Variants in STIM1 observed in about 807,000 individuals in gnomAD.
The protein encoded by STIM1 is stromal interaction molecule 1.
In STIM1, 25 loss-of-function variants were observed where a neutral mutation model predicts 74.7. The ratio of observed to expected loss-of-function variants is 0.33; its 90% CI spans 0.24 to 0.47. The LOEUF (loss-of-function observed/expected upper bound fraction) is 0.47, where lower values mean the gene tolerates loss of function less well. Among genes scored for constraint, STIM1 ranks in the 20% least tolerant of loss-of-function variants. The pLI is 1.00. For synonymous variants in STIM1, 328 were observed against 348.8 expected (o/e 0.94, Z 0.66); for missense variants, 728 against 920.8 (o/e 0.79, Z 2.71).
intron 4 of STIM1, 67 bp from the exon 5 acceptor site, chr11:4,059,214 T>G: frequency 7.3e-7 from 1 of 1,361,808 alleles, no homozygotes. Flanking sequence ...GGGAGGCGGG[T>G]AATCCTACCA....
chr11:4,063,334 C>T (rs2133125777), intron 5 of STIM1, among the ~76,000 whole-genome samples: 1 of 152,240 alleles, frequency 6.6e-6, no homozygotes, highest in Admixed American at 6.5e-5. Context: ...TGTGCTTTGC[C>T]TTACTGCACT....
chr11:4,068,603 G>T (rs2094383816), intron 5 of STIM1, among the ~76,000 whole-genome samples: 1 of 152,130 alleles, frequency 6.6e-6, no homozygotes, highest in African/African-American at 2.4e-5. Context: ...CTTGTAGCCT[G>T]CCTGGAGGCT....
chr11:4,006,282 G>T (rs999533966), intron 2 of STIM1, among the ~76,000 whole-genome samples: 5 of 152,054 alleles, frequency 3.3e-5, no homozygotes, highest in Non-Finnish European at 5.9e-5. Context: ...TTCACCTTCT[G>T]CCTTGATTGT....
At chr11:4,046,033 G>A (rs2094190008) in intron 3 of STIM1, among the ~76,000 whole-genome samples, 1 of 143,078 alleles carries the variant, frequency 7.0e-6, no homozygotes, top group Non-Finnish European at 1.5e-5. Flanking sequence ...GCCTCCCAAA[G>A]TGCTGGGATT....
At chr11:3,862,275 G>T (rs2135214413) in intron 1 of STIM1, among the ~76,000 whole-genome samples, 1 of 152,284 alleles carries the variant, frequency 6.6e-6, no homozygotes. Flanking sequence ...ATAGGAACTT[G>T]CAGAGAGTTT....
chr11:4,075,293 G>A (rs1045242015), intron 7 of STIM1, among the ~76,000 whole-genome samples: 38 of 152,042 alleles, frequency 2.5e-4, no homozygotes, highest in African/African-American at 7.2e-4. Flanking sequence ...GTATACAGCT[G>A]GCAAGCTTTT....
intron 6 of STIM1, among the ~76,000 whole-genome samples, chr11:4,071,987 C>T (rs1215472541): frequency 6.6e-6 from 1 of 152,154 alleles, no homozygotes; most frequent in Non-Finnish European, 1.5e-5. Context: ...GCCCCTTGTT[C>T]TTGGGCCCTT....
At position 4,006,000 on chromosome 11, in the gene STIM1, T is replaced by C. The variant is rs535553142; in HGVS notation, c.271-17873T>C. ...TAAGAGTTGGTAAACTTTTCAGATC[T>C]GGAACATGTGACTTATGGGTTTGAT... On this transcript the variant is annotated intron_variant, in intron 2 of 12. Coordinates refer to ENST00000526596, the MANE Select transcript of STIM1 (RefSeq NM_001382567.1). 3.5e-4 allele frequency among the ~76,000 whole-genome samples: 53 copies of C among 152,302 alleles called. No homozygotes were observed. In the South Asian group the frequency reaches 8.3e-3, roughly 24 times the overall value.
chr11:3,896,212 GCT>G (rs59957010), intron 1 of STIM1, among the ~76,000 whole-genome samples: 47,540 of 149,950 alleles, frequency 0.32, 8,867 homozygotes, highest in African/African-American at 0.53. Flanking sequence ...CCGGAATAGT[GCT>G]CTCTCTCTAC....
At chr11:4,067,426 C>T (rs755099859) in intron 5 of STIM1, among the ~76,000 whole-genome samples, 1 of 152,128 alleles carries the variant, frequency 6.6e-6, no homozygotes, top group Non-Finnish European at 1.5e-5. Flanking sequence ...AAAACTCAGG[C>T]CTTGGAACTC....
At chr11:3,874,321 C>G (rs2091239087) in intron 1 of STIM1, among the ~76,000 whole-genome samples, 1 of 152,100 alleles carries the variant, frequency 6.6e-6, no homozygotes, top group Non-Finnish European at 1.5e-5. Flanking sequence ...GGTATGTGTT[C>G]CTCTTCTAAC....
chr11:3,932,877 G>C (rs2092886562), intron 1 of STIM1, among the ~76,000 whole-genome samples: 1 of 152,064 alleles, frequency 6.6e-6, no homozygotes, highest in South Asian at 2.1e-4. Context: ...CCTGTCTATG[G>C]TATTTTTGTC....
At chr11:4,055,843 T>G (rs2094284986) in intron 4 of STIM1, among the ~76,000 whole-genome samples, 1 of 152,222 alleles carries the variant, frequency 6.6e-6, no homozygotes, top group Non-Finnish European at 1.5e-5. Flanking sequence ...AATATTCCTG[T>G]CAGTCCTGGG....
chr11:3,981,193 G>A (rs1019873504), intron 2 of STIM1, among the ~76,000 whole-genome samples: 10 of 152,124 alleles, frequency 6.6e-5, no homozygotes, highest in African/African-American at 2.2e-4. Context: ...CTCCCAAAGC[G>A]CTGGGATTAT....
chr11:4,012,363 A>G (rs2093846484), intron 2 of STIM1, among the ~76,000 whole-genome samples: 1 of 152,182 alleles, frequency 6.6e-6, no homozygotes, highest in South Asian at 2.1e-4. Context: ...TGAGCATGGA[A>G]TGCTCTTCCA....
At chr11:3,927,898 C>CT (rs2092807875) in intron 1 of STIM1, among the ~76,000 whole-genome samples, 2 of 152,162 alleles carry the variant, frequency 1.3e-5, no homozygotes, top group Non-Finnish European at 2.9e-5. Flanking sequence ...ACTAAGAACC[C>CT]TGTGGATATA....
intron 7 of STIM1, among the ~76,000 whole-genome samples, chr11:4,074,981 A>C (rs941247330): frequency 1.3e-5 from 2 of 152,158 alleles, no homozygotes; most frequent in African/African-American, 4.8e-5. Context: ...TCTATTAAAA[A>C]TACAAAAAAA....
chr11:3,920,791 T>A (rs2092707596), intron 1 of STIM1, among the ~76,000 whole-genome samples: 2 of 151,868 alleles, frequency 1.3e-5, no homozygotes, highest in African/African-American at 4.8e-5. Flanking sequence ...CTTTTTTTTT[T>A]TATTTTTTTT....
At chr11:3,963,780 A>C (rs1480522891) in intron 1 of STIM1, among the ~76,000 whole-genome samples, 1 of 152,214 alleles carries the variant, frequency 6.6e-6, no homozygotes, top group African/African-American at 2.4e-5. Flanking sequence ...ATAGCATATA[A>C]ATGTTGTGGG....
Sources: gnomAD v4.1 joint callset for allele counts (sites outside exome capture counted in the v4.1 genomes callset) on GRCh38, gnomAD v4.1.1 for gene constraint, MANE v1.5 for transcripts, NCBI Gene and HGNC (gene_info 2026-07-23, HGNC 2026-07-21) for gene names.